The following ACTL6A variants were observed in gnomAD, a reference collection of about 807,000 sequenced individuals.
The protein encoded by ACTL6A is actin like 6A, also known as actin-like protein 6A.
A neutral mutation model predicts 59.2 loss-of-function variants in ACTL6A; 5 were observed. That is an observed-to-expected ratio of 0.08 (90% CI 0.04 to 0.18). The LOEUF (loss-of-function observed/expected upper bound fraction) is 0.18. Among genes scored for constraint, ACTL6A ranks in the 10% least tolerant of loss-of-function variants. The pLI, the probability that ACTL6A is intolerant of heterozygous loss-of-function variation, is 1.00. For synonymous variants in ACTL6A, 154 were observed against 171.8 expected (o/e 0.90, Z 0.81); for missense variants, 285 against 526.9 (o/e 0.54, Z 4.49).
chr3:179,568,472 T>C (rs1717906197), intron 1 of ACTL6A, among the ~76,000 whole-genome samples: 1 of 152,056 alleles, frequency 6.6e-6, no homozygotes, highest in African/African-American at 2.4e-5. Context: ...CTTCAGTTCA[T>C]GTAACCACTG....
rs1717978584 is a variant in ACTL6A, at chr3:179,570,727, G to T, written c.277+486G>T. Reference sequence around the variant, plus strand: ...AAATGTAATACAATTAAGTATGGTTGCAGCATTGGGCTTATTAGGGTCAGT... The same window carrying T: ...AAATGTAATACAATTAAGTATGGTTTCAGCATTGGGCTTATTAGGGTCAGT... On this transcript the variant is annotated intron_variant, in intron 3 of 13. Transcript: ENST00000429709. This position sits in a 1 kb window ranked among gnomAD's most constrained non-coding sequence, Gnocchi z 4.3. Among the ~76,000 whole-genome samples the T allele has an allele frequency of 6.6e-6, 1 of 152,178 alleles. No homozygotes were observed. Among genetic ancestry groups the T allele is most frequent in the African/African-American group, 2.4e-5 (1 of 41,458 alleles).
intron 11 of ACTL6A, 31 bp downstream of exon 11, chr3:179,581,251 GGT>G: frequency 6.3e-7 from 1 of 1,575,926 alleles, no homozygotes; most frequent in Non-Finnish European, 8.7e-7. Flanking sequence ...ACGGTTTAAA[GGT>G]ATCTTTTAGG....
At chr3:179,563,257 C>G in intron 1 of ACTL6A, 140 bp downstream of exon 1, 3 of 1,380,670 alleles carry the variant, frequency 2.2e-6, no homozygotes, top group Non-Finnish European at 2.9e-6. Flanking sequence ...CCGTCCCCGC[C>G]CCACGCTCTG....
At chr3:179,575,561 C>A in intron 5 of ACTL6A, 1 of 404,446 alleles carries the variant, frequency 2.5e-6, no homozygotes. Flanking sequence ...ACTTAGTAGA[C>A]ACCTAATAGA....
rs149877567 is a variant in ACTL6A at position 179,563,023 on chromosome 3, C to T, written c.-70C>T. 6,948 of 1,585,110 alleles carry T rather than the reference C, an allele frequency of 4.4e-3. 26 individuals are homozygous for T. The highest frequency in any genetic ancestry group is 5.2e-3 in the Non-Finnish European group (6,077 of 1,166,492). On this transcript the variant is annotated 5_prime_UTR_variant, in exon 1 of 14. Coordinates refer to ENST00000429709, the MANE Select transcript of ACTL6A (RefSeq NM_004301.5). ...AGTCAGGGGCTATCGCTCCTCGAGA[C>T]TCGCAGTCGCGGCCACTGCAGTCAC...
At chr3:179,564,431 C>T (rs1717769454) in intron 1 of ACTL6A, among the ~76,000 whole-genome samples, 1 of 152,142 alleles carries the variant, frequency 6.6e-6, no homozygotes, top group Non-Finnish European at 1.5e-5. Flanking sequence ...AGTAGAGGTT[C>T]AATTCTTGAG....
chr3:179,587,359 TC>T (rs1718533080), intron 13 of ACTL6A, among the ~76,000 whole-genome samples: 1 of 152,112 alleles, frequency 6.6e-6, no homozygotes, highest in African/African-American at 2.4e-5. Flanking sequence ...TAGGTTGGCA[TC>T]AAGCCATCAC....
At position 179,570,914 on chromosome 3, in the gene ACTL6A, A is replaced by G. The variant is rs1339908974; in HGVS notation, c.277+673A>G. ...GGTCAGAGTCCAGATGAGAAATGAA[A>G]AAGGTTTAAACTATTATATAATGCT... On this transcript the variant is annotated intron_variant, in intron 3 of 13. Coordinates refer to ENST00000429709, the MANE Select transcript of ACTL6A (RefSeq NM_004301.5). This position sits in a 1 kb window ranked among gnomAD's most constrained non-coding sequence, Gnocchi z 4.3. Among the ~76,000 whole-genome samples the G allele has an allele frequency of 2.6e-5, 4 of 152,200 alleles. No homozygotes were observed. Among genetic ancestry groups the G allele is most frequent in the African/African-American group, 9.7e-5 (4 of 41,448 alleles).
intron 1 of ACTL6A, among the ~76,000 whole-genome samples, chr3:179,565,432 A>G (rs142795635): frequency 4.4e-5 from 6 of 136,142 alleles, no homozygotes; most frequent in East Asian, 2.3e-4. Flanking sequence ...ACATATATAT[A>G]TGTGTGTTAT....
chr3:179,576,900 A>G lies in ACTL6A; in HGVS notation c.755A>G (p.Asn252Ser). Residue 252 changes from asparagine (N) to serine (S), a missense_variant, in exon 8 of 14, where the codon AAT (asparagine) becomes AGT (serine). Physicochemically the swap from Asn to Ser is conservative, Grantham distance 46 (BLOSUM62 1). Coordinates refer to ENST00000429709, the MANE Select transcript of ACTL6A (RefSeq NM_004301.5). Reference protein sequence around the residue: ...KLPQVTRSWHNYMCNCVIQDF... With the variant: ...KLPQVTRSWHSYMCNCVIQDF... ...CCTCAGGTTACGAGGTCTTGGCACA[A>G]TTATATGTGTAATGTAAGTAACCCT... 6.2e-7 allele frequency: 1 copy of G among 1,613,396 alleles called. No individual in the cohort carries two copies. Among genetic ancestry groups the G allele is most frequent in the Non-Finnish European group, 8.5e-7 (1 of 1,179,568 alleles).
At chr3:179,578,424 T>C (rs1443878474) in intron 8 of ACTL6A, among the ~76,000 whole-genome samples, 1 of 152,070 alleles carries the variant, frequency 6.6e-6, no homozygotes, top group Non-Finnish European at 1.5e-5. Flanking sequence ...ACTGCGCTCC[T>C]GCCTGGGCGA....
rs753577319 is a variant in ACTL6A, at chr3:179,570,186, T to C, written c.222T>C (p.Ala74=). The change falls in exon 3 of 14, where the codon GCT becomes GCC. Residue 74 remains alanine (A), a synonymous_variant. Coordinates refer to ENST00000429709, the MANE Select transcript of ACTL6A (RefSeq NM_004301.5). This position sits in a 1 kb window ranked among gnomAD's most constrained non-coding sequence, Gnocchi z 4.3. The part of the protein sequence containing the change: ...GGPTYYIDTN[A]LRVPRENMEA... Reference sequence around the variant, plus strand: ...CCACCTACTACATAGATACTAATGCTCTGCGTGTTCCGAGGGAGAATATGG... The same window carrying C: ...CCACCTACTACATAGATACTAATGCCCTGCGTGTTCCGAGGGAGAATATGG... 3 of 1,614,012 alleles carry C rather than the reference T, an allele frequency of 1.9e-6. No homozygotes were observed. Among genetic ancestry groups the C allele is most frequent in the Non-Finnish European group, 2.5e-6 (3 of 1,179,996 alleles).
chr3:179,571,076 G>A (rs560650813), intron 3 of ACTL6A, among the ~76,000 whole-genome samples: 2 of 152,218 alleles, frequency 1.3e-5, no homozygotes, highest in Admixed American at 6.5e-5. Flanking sequence ...AGAGTACCAT[G>A]CATTGAGATA....
intron 8 of ACTL6A, among the ~76,000 whole-genome samples, chr3:179,579,945 TTTA>T (rs1183817531): frequency 6.6e-6 from 1 of 152,140 alleles, no homozygotes; most frequent in African/African-American, 2.4e-5. Flanking sequence ...TGGCTAATTT[TTTA>T]TTTTTATAGA....
chr3:179,584,646 A>G (rs576470201), intron 12 of ACTL6A, among the ~76,000 whole-genome samples: 21 of 151,750 alleles, frequency 1.4e-4, no homozygotes, highest in Admixed American at 2.6e-4. Context: ...TTAGCCGGAC[A>G]CGGTGGCACG....
chr3:179,572,561 T>C (rs1001170258), intron 3 of ACTL6A, among the ~76,000 whole-genome samples: 9 of 152,182 alleles, frequency 5.9e-5, no homozygotes, highest in Non-Finnish European at 1.3e-4. Flanking sequence ...ATCCCAGCAC[T>C]TTGGAGGCTG....
intron 5 of ACTL6A, chr3:179,575,246 C>T (rs1335992291): frequency 2.6e-6 from 1 of 383,894 alleles, no homozygotes; most frequent in East Asian, 7.1e-5. Flanking sequence ...TTGCAGTTCT[C>T]TGACCTCGCT....
chr3:179,567,132 A>C (rs1055275537), intron 1 of ACTL6A, among the ~76,000 whole-genome samples: 1 of 152,110 alleles, frequency 6.6e-6, no homozygotes, highest in Non-Finnish European at 1.5e-5. Context: ...TTGGGAGGGC[A>C]AGGCGAGTGG....
chr3:179,578,055 C>T (rs774738865), intron 8 of ACTL6A, among the ~76,000 whole-genome samples: 2 of 152,168 alleles, frequency 1.3e-5, no homozygotes, highest in Non-Finnish European at 2.9e-5. Context: ...CATGGTGGCT[C>T]ACGCCTGTAA....
Sources: allele counts gnomAD v4.1 joint callset (sites outside exome capture counted in the v4.1 genomes callset), GRCh38; gene constraint gnomAD v4.1.1; non-coding constraint Gnocchi (gnomAD v3.1); transcripts MANE v1.5; gene names NCBI Gene and HGNC (gene_info 2026-07-23, HGNC 2026-07-21).